Variants in PICALM observed in about 807,000 individuals in gnomAD.
PICALM encodes phosphatidylinositol-binding clathrin assembly protein.
In PICALM, 40 loss-of-function variants were observed where a neutral mutation model predicts 80.5. The observed-to-expected ratio is 0.50, with a 90% CI of 0.39 to 0.65. PICALM has a LOEUF of 0.65. PICALM is among the 30% of genes least tolerant of loss of function. The pLI is 0.00. For missense variants in PICALM, 676 were observed against 778.9 expected (o/e 0.87, Z 1.57); for synonymous variants, 288 against 260.3 (o/e 1.11, Z -1.02).
In PICALM at chr11:86,000,697, C is replaced by T. The variant is rs1291686455; in HGVS notation, c.1100G>A (p.Gly367Glu). 6.2e-7 allele frequency: 1 copy of T among 1,611,862 alleles called. No individual in the cohort carries two copies. Among genetic ancestry groups the T allele is most frequent in the Non-Finnish European group, 8.5e-7 (1 of 1,179,044 alleles). Residue 367 changes from glycine to glutamate, a missense_variant, in exon 11 of 20, where the codon GGG becomes GAG. By Grantham distance (98) the Gly-to-Glu change is moderately conservative. Transcript: ENST00000393346. ...GTCAATGGCTGGTGCAGTCATTATC[C>T]CTCCTGCTGAGGTGGATACAGGAGA... ...AASPVSTSAG[G>E]IMTAPAIDIF...
chr11:86,026,325 A>T lies in PICALM; in HGVS notation c.316T>A (p.Leu106Ile). The change falls in exon 3 of 20, where the codon TTA (leucine) becomes ATA (isoleucine). Residue 106 changes from leucine (L) to isoleucine (I), a missense_variant. Transcript: ENST00000393346. ...CCACTTTTATCCAAAAAATTGCTTA[A>T]GTTAAACAACGTGTTTCTTGAAGCC... ...YLASRNTLFNLSNFLDKSGLQ... is the reference protein window; with the variant it reads ...YLASRNTLFNISNFLDKSGLQ... The T allele has an allele frequency of 6.2e-7, 1 of 1,604,056 alleles. No individual in the cohort carries two copies. Among genetic ancestry groups the T allele is most frequent in the Non-Finnish European group, 8.5e-7 (1 of 1,172,912 alleles).
chr11:85,966,027 G>A (rs1257069231), intron 19 of PICALM, among the ~76,000 whole-genome samples: 1 of 151,752 alleles, frequency 6.6e-6, no homozygotes, highest in African/African-American at 2.4e-5. Flanking sequence ...ATGTTGGTCA[G>A]CCTGGTTTCG....
chr11:85,973,659 C>T (rs1483427116), intron 19 of PICALM, among the ~76,000 whole-genome samples: 1 of 152,070 alleles, frequency 6.6e-6, no homozygotes, highest in African/African-American at 2.4e-5. Flanking sequence ...GAAGAGGGGA[C>T]TACCGTGCAC....
chr11:86,047,295 C>A (rs142867857), intron 1 of PICALM, among the ~76,000 whole-genome samples: 4 of 152,218 alleles, frequency 2.6e-5, no homozygotes, highest in Admixed American at 1.3e-4. Context: ...ACACAGTAGG[C>A]CACCTCTTGT....
chr11:86,003,857 G>GA (rs1287924944), intron 8 of PICALM: 1 of 153,726 alleles, frequency 6.5e-6, no homozygotes, highest in Non-Finnish European at 1.4e-5. Flanking sequence ...AAATGACACT[G>GA]AACACTGTCA....
At chr11:85,996,684 G>A (rs2094973799) in intron 12 of PICALM, 142 bp downstream of exon 12, 1 of 558,080 alleles carries the variant, frequency 1.8e-6, no homozygotes, top group Middle Eastern at 3.9e-4. Flanking sequence ...TACCTTCAAG[G>A]GATAAAATTG....
At chr11:86,067,211 A>G (rs752192601) in intron 1 of PICALM, among the ~76,000 whole-genome samples, 14 of 152,230 alleles carry the variant, frequency 9.2e-5, no homozygotes, top group Non-Finnish European at 1.8e-4. Flanking sequence ...GCCAAAGTCC[A>G]AATGAGAAAT....
At chr11:86,065,621 T>C (rs1371721331) in intron 1 of PICALM, among the ~76,000 whole-genome samples, 3 of 152,154 alleles carry the variant, frequency 2.0e-5, no homozygotes, top group South Asian at 2.1e-4. Flanking sequence ...GTTCTTCAAA[T>C]ATAAGGGCTG....
chr11:86,047,118 T>A (rs2096085939), intron 1 of PICALM, among the ~76,000 whole-genome samples: 1 of 152,310 alleles, frequency 6.6e-6, no homozygotes, highest in South Asian at 2.1e-4. Context: ...CAGTAACCTT[T>A]CCACTAGCAG....
intron 13 of PICALM, among the ~76,000 whole-genome samples, chr11:85,989,971 A>G (rs1299312956): frequency 6.8e-6 from 1 of 147,622 alleles, no homozygotes; most frequent in Non-Finnish European, 1.5e-5. Context: ...CTAGACAGCT[A>G]GAGTATTGCA....
chr11:86,048,731 C>G (rs1284866717), intron 1 of PICALM, among the ~76,000 whole-genome samples: 1 of 150,602 alleles, frequency 6.6e-6, no homozygotes, highest in African/African-American at 2.5e-5. Flanking sequence ...ACTCGGGAGG[C>G]TGAGGCAGGA....
chr11:85,984,114 C>G, intron 13 of PICALM, 141 bp from the exon 14 acceptor site: 1 of 563,314 alleles, frequency 1.8e-6, no homozygotes, highest in Non-Finnish European at 3.2e-6. Context: ...AAAATGTTTT[C>G]TATATCACAT....
chr11:85,987,389 T>C lies in PICALM; in HGVS notation c.1408+2861A>G, dbSNP rs1056777989. 2.1e-4 allele frequency among the ~76,000 whole-genome samples: 32 copies of C among 152,152 alleles called. 1 individual carries two copies. Among genetic ancestry groups the C allele is most frequent in the Admixed American group, 5.2e-4 (8 of 15,298 alleles). Reference sequence around the variant, plus strand: ...CCCAAGTATTTCACCTTACATAATATAGTAAGTAGAAAAAGAAATTTTTTA... The same window carrying C: ...CCCAAGTATTTCACCTTACATAATACAGTAAGTAGAAAAAGAAATTTTTTA... On this transcript the variant is annotated intron_variant, in intron 13 of 19. Transcript: ENST00000393346.
chr11:86,027,695 A>AT (rs2095671554), intron 2 of PICALM, among the ~76,000 whole-genome samples: 1 of 151,854 alleles, frequency 6.6e-6, no homozygotes, highest in Non-Finnish European at 1.5e-5. Context: ...TTTTAAAAAA[A>AT]TTTTTTGTAG....
At chr11:86,027,216 A>G (rs964558063) in intron 2 of PICALM, among the ~76,000 whole-genome samples, 7 of 152,192 alleles carry the variant, frequency 4.6e-5, no homozygotes, top group African/African-American at 9.6e-5. Flanking sequence ...GTCTCCATGC[A>G]TAAGTATATG....
In PICALM at chr11:85,982,732, C is replaced by CT. The variant is rs1211573982; in HGVS notation, c.1517-730dup. ...GTGAGCCACCGCGCCCGGCCGAGAC[C>CT]TTTTTTTTAAAAGCAGAGAATGTAA... On this transcript the variant is annotated intron_variant, in intron 14 of 19. Coordinates refer to ENST00000393346, the MANE Select transcript of PICALM (RefSeq NM_007166.4). Among the ~76,000 whole-genome samples, 14 of 151,838 alleles carry CT rather than the reference C, an allele frequency of 9.2e-5. No homozygotes were observed. In the East Asian group the frequency reaches 1.7e-3, roughly 19 times the overall value.
At chr11:85,998,409 C>A (rs1384141421) in intron 11 of PICALM, among the ~76,000 whole-genome samples, 1 of 151,986 alleles carries the variant, frequency 6.6e-6, no homozygotes, top group Non-Finnish European at 1.5e-5. Context: ...CCATGCCCGG[C>A]CGACTTCTAT....
chr11:86,013,579 A>C (rs1375633004), intron 5 of PICALM, among the ~76,000 whole-genome samples: 2 of 152,178 alleles, frequency 1.3e-5, no homozygotes, highest in Admixed American at 1.3e-4. Flanking sequence ...AACAGAATAA[A>C]CATCTATCAA....
At chr11:86,050,238 G>C (rs1447007871) in intron 1 of PICALM, among the ~76,000 whole-genome samples, 1 of 145,086 alleles carries the variant, frequency 6.9e-6, no homozygotes, top group African/African-American at 2.6e-5. Context: ...ATATCAGTAA[G>C]TTGCTTAATT....
Sources: allele counts gnomAD v4.1 joint callset (sites outside exome capture counted in the v4.1 genomes callset), GRCh38; gene constraint gnomAD v4.1.1; transcripts MANE v1.5; gene names NCBI Gene and HGNC (gene_info 2026-07-23, HGNC 2026-07-21).